Variants in ARHGAP6 observed in about 807,000 individuals in gnomAD.
ARHGAP6 encodes Rho GTPase activating protein 6.
A neutral mutation model predicts 55.7 loss-of-function variants in ARHGAP6; 16 were observed. That is an observed-to-expected ratio of 0.29 (90% confidence interval 0.19 to 0.44). The LOEUF (loss-of-function observed/expected upper bound fraction) is 0.44. Ranked by LOEUF, ARHGAP6 falls within the 20% of genes least tolerant of loss-of-function variation. The pLI, the probability that ARHGAP6 is intolerant of heterozygous loss-of-function variation, is 1.00. For missense variants in ARHGAP6, 698 were observed against 808.9 expected, an observed-to-expected ratio of 0.86 and a Z score of 1.66; for synonymous variants, 382 against 360.9, an observed-to-expected ratio of 1.06 and a Z score of -0.66.
chrX:11,604,008 T>A (rs766256708), intron 1 of ARHGAP6, among the ~76,000 whole-genome samples: 2 of 111,895 alleles, frequency 1.8e-5, no homozygotes, highest in Non-Finnish European at 3.8e-5. Context: ...CAGGCTCATC[T>A]GTTTCGTGAA....
chrX:11,417,105 T>TATATATATATATAC (rs1406504776), intron 1 of ARHGAP6, among the ~76,000 whole-genome samples: 4 of 75,842 alleles, frequency 5.3e-5, no homozygotes, highest in African/African-American at 1.6e-4. Context: ...TATATATATA[T>TATATATATATATAC]ACACATACAT....
At chrX:11,559,192 T>C (rs775423983) in intron 1 of ARHGAP6, among the ~76,000 whole-genome samples, 1 of 109,624 alleles carries the variant, frequency 9.1e-6, no homozygotes, top group Non-Finnish European at 1.9e-5. Flanking sequence ...AATGCCACTT[T>C]CACCTCTTAC....
intron 1 of ARHGAP6, among the ~76,000 whole-genome samples, chrX:11,632,621 A>G (rs979794616): frequency 1.8e-5 from 2 of 112,486 alleles, no homozygotes; most frequent in African/African-American, 6.5e-5. Flanking sequence ...TTCCGCATGA[A>G]TGGTCACAGT....
At chrX:11,625,286 AGTGT>A (rs56128798) in intron 1 of ARHGAP6, among the ~76,000 whole-genome samples, 81 of 98,038 alleles carry the variant, frequency 8.3e-4, no homozygotes, top group East Asian at 1.9e-3. Flanking sequence ...GAAAATGTGG[AGTGT>A]GTGTGTGTGT....
intron 1 of ARHGAP6, among the ~76,000 whole-genome samples, chrX:11,390,940 T>C (rs1442677484): frequency 8.9e-6 from 1 of 111,917 alleles, no homozygotes; most frequent in Non-Finnish European, 1.9e-5. Flanking sequence ...GAAATACCAT[T>C]TGACCCAGAC....
intron 1 of ARHGAP6, among the ~76,000 whole-genome samples, chrX:11,475,519 T>C (rs1384984764): frequency 4.7e-5 from 5 of 106,100 alleles, no homozygotes; most frequent in Non-Finnish European, 9.7e-5. Context: ...AAGTTACCCA[T>C]AAAAATGGTA....
chrX:11,410,129 C>A (rs1469720413), intron 1 of ARHGAP6, among the ~76,000 whole-genome samples: 1 of 111,891 alleles, frequency 8.9e-6, no homozygotes, highest in Non-Finnish European at 1.9e-5. Flanking sequence ...TAGTTATATA[C>A]CCACGAGAAG....
intron 1 of ARHGAP6, among the ~76,000 whole-genome samples, chrX:11,379,531 G>A (rs1298354905): frequency 8.9e-6 from 1 of 111,767 alleles, no homozygotes; most frequent in East Asian, 2.8e-4. Context: ...TTGAAGAGCT[G>A]GAATACTATG....
chrX:11,176,300 C>T (rs56683706), intron 8 of ARHGAP6, among the ~76,000 whole-genome samples: 3 of 15,627 alleles, frequency 1.9e-4, no homozygotes, highest in Non-Finnish European at 5.2e-4. Flanking sequence ...TATTTGCATG[C>T]ATATATATAT....
At chrX:11,578,858 G>A (rs975326180) in intron 1 of ARHGAP6, among the ~76,000 whole-genome samples, 1 of 111,106 alleles carries the variant, frequency 9.0e-6, no homozygotes, top group Non-Finnish European at 1.9e-5. Flanking sequence ...CTATAAAAAA[G>A]GACGAGTTCA....
At chrX:11,255,178 T>G (rs1390049520) in intron 1 of ARHGAP6, among the ~76,000 whole-genome samples, 1 of 111,684 alleles carries the variant, frequency 9.0e-6, no homozygotes, top group East Asian at 2.8e-4. Context: ...ATGGGGCACA[T>G]GGTGATATTT....
At chrX:11,343,636 G>C (rs1174947163) in intron 1 of ARHGAP6, among the ~76,000 whole-genome samples, 2 of 111,158 alleles carry the variant, frequency 1.8e-5, no homozygotes, top group Non-Finnish European at 3.8e-5. Context: ...TATTCAAAAT[G>C]CAACTGTTTG....
At chrX:11,447,870 G>A (rs759163707) in intron 1 of ARHGAP6, among the ~76,000 whole-genome samples, 175 of 112,108 alleles carry the variant, frequency 1.6e-3, no homozygotes, top group Non-Finnish European at 2.3e-3. Flanking sequence ...TTAATATAAA[G>A]AATTTGGTTG....
intron 1 of ARHGAP6, among the ~76,000 whole-genome samples, chrX:11,571,833 A>G (rs1179113411): frequency 9.1e-6 from 1 of 109,902 alleles, no homozygotes; most frequent in Non-Finnish European, 1.9e-5. Context: ...GGCTGCAGTG[A>G]GCCGTGATTG....
intron 1 of ARHGAP6, among the ~76,000 whole-genome samples, chrX:11,612,625 T>G (rs2052116011): frequency 8.9e-6 from 1 of 112,217 alleles, no homozygotes; most frequent in African/African-American, 3.2e-5. Context: ...GACACCCTGA[T>G]CTTGCACTTC....
At chrX:11,339,419 A>G (rs2048677011) in intron 1 of ARHGAP6, among the ~76,000 whole-genome samples, 1 of 109,387 alleles carries the variant, frequency 9.1e-6, no homozygotes, top group Admixed American at 9.8e-5. Context: ...CTTTCATAGA[A>G]CCCTCTCCTT....
intron 1 of ARHGAP6, among the ~76,000 whole-genome samples, chrX:11,424,473 T>C (rs2049858234): frequency 8.9e-6 from 1 of 112,289 alleles, no homozygotes; most frequent in Admixed American, 9.4e-5. Flanking sequence ...TTCATTCATG[T>C]CATCCTCATC....
At chrX:11,249,821 A>T (rs191750147) in intron 2 of ARHGAP6, among the ~76,000 whole-genome samples, 5 of 111,586 alleles carry the variant, frequency 4.5e-5, no homozygotes, top group Admixed American at 9.5e-5. Context: ...CTATTTTTTT[A>T]AAATGTAGTG....
chrX:11,351,638 T>C (rs1438760719), intron 1 of ARHGAP6: 34 of 726,219 alleles, frequency 4.7e-5, no homozygotes, highest in African/African-American at 2.3e-5. Flanking sequence ...AAAGAGTGCC[T>C]TGGTTCCCAG....
Sources: gnomAD v4.1 joint callset for allele counts (sites outside exome capture counted in the v4.1 genomes callset) on GRCh38, gnomAD v4.1.1 for gene constraint, MANE v1.5 for transcripts, NCBI Gene and HGNC (gene_info 2026-07-23, HGNC 2026-07-21) for gene names.